MALRD1: variants seen among roughly 807,000 people sequenced by gnomAD.
MALRD1 encodes MAM and LDL-receptor class A domain-containing protein 1.
MALRD1 carries 247 observed loss-of-function variants against 242.1 expected under a neutral mutation model. That is an observed-to-expected ratio of 1.02 (90% CI 0.92 to 1.13). The LOEUF is 1.13. MALRD1 is among the 50% of genes most tolerant of loss of function. MALRD1 has a pLI of 0.00. For synonymous variants in MALRD1, 995 were observed against 866.6 expected, an observed-to-expected ratio of 1.15 and a Z score of -2.60; for missense variants, 2,989 against 2,533.1, an observed-to-expected ratio of 1.18 and a Z score of -3.86.
chr10:19,291,851 G>A (rs1414997288), intron 21 of MALRD1, among the ~76,000 whole-genome samples: 1 of 151,974 alleles, frequency 6.6e-6, no homozygotes, highest in Non-Finnish European at 1.5e-5. Context: ...TTGGGAGGCT[G>A]AGGCGGGTGG....
intron 21 of MALRD1, 113 bp from the exon 22 acceptor site, chr10:19,323,836 C>G: frequency 2.2e-6 from 2 of 901,040 alleles, no homozygotes; most frequent in Non-Finnish European, 3.4e-6. Flanking sequence ...GTCTCGAACT[C>G]CTGACTGCAG....
At chr10:19,413,965 CA>C (rs61376344) in intron 28 of MALRD1, among the ~76,000 whole-genome samples, 3,170 of 133,678 alleles carry the variant, frequency 0.024, 92 homozygotes, top group African/African-American at 0.084. Flanking sequence ...AAACAAAAAC[CA>C]AAAAAAAAAA....
At chr10:19,200,661 T>TTTTTTGTTTGTTTTTG (rs1554809472) in intron 14 of MALRD1, among the ~76,000 whole-genome samples, 3 of 146,932 alleles carry the variant, frequency 2.0e-5, no homozygotes, top group African/African-American at 7.6e-5. Flanking sequence ...TTTTTTTTTT[T>TTTTTTGTTTGTTTTTG]TTTTTTTTTT....
At chr10:19,353,472 G>T (rs1026553340) in intron 26 of MALRD1, among the ~76,000 whole-genome samples, 1 of 152,172 alleles carries the variant, frequency 6.6e-6, no homozygotes, top group Non-Finnish European at 1.5e-5. Context: ...GGGCAGTGTT[G>T]CCACTTCTGC....
intron 36 of MALRD1, among the ~76,000 whole-genome samples, chr10:19,691,035 A>G (rs1038913676): frequency 6.6e-6 from 1 of 152,100 alleles, no homozygotes; most frequent in Non-Finnish European, 1.5e-5. Flanking sequence ...CTCAGAGTGA[A>G]AATGTGTCCC....
At position 19,647,947 on chromosome 10, in the gene MALRD1, C is replaced by G. The variant is rs144213464; in HGVS notation, c.6137+32024C>G. Reference sequence around the variant, plus strand: ...GAGGTAAGTCCCATGATTTTGCAGACTCTCTGCCTGGGGATAATTTCCCAA... The same window carrying G: ...GAGGTAAGTCCCATGATTTTGCAGAGTCTCTGCCTGGGGATAATTTCCCAA... On this transcript the variant is annotated intron_variant, in intron 36 of 39. Coordinates refer to ENST00000454679, the MANE Select transcript of MALRD1 (RefSeq NM_001142308.3). 2.9e-3 allele frequency among the ~76,000 whole-genome samples: 449 copies of G among 152,236 alleles called. 7 individuals carry two copies. The highest frequency in any genetic ancestry group is 9.4e-3 in the African/African-American group (390 of 41,538).
chr10:19,558,329 G>T (rs1018503985), intron 32 of MALRD1, among the ~76,000 whole-genome samples: 1 of 152,056 alleles, frequency 6.6e-6, no homozygotes, highest in Non-Finnish European at 1.5e-5. Flanking sequence ...ATTTTAGTAG[G>T]AAAATGGCTA....
At chr10:19,098,052 C>G (rs1836109017) in intron 4 of MALRD1, among the ~76,000 whole-genome samples, 1 of 152,128 alleles carries the variant, frequency 6.6e-6, no homozygotes, top group Admixed American at 6.5e-5. Context: ...TATGGACATT[C>G]TCTCAATTCT....
intron 8 of MALRD1, among the ~76,000 whole-genome samples, chr10:19,129,988 A>G (rs1432687855): frequency 1.3e-5 from 2 of 151,408 alleles, no homozygotes; most frequent in African/African-American, 4.8e-5. Context: ...ACACATATAG[A>G]TATATAAAGT....
chr10:19,424,753 GT>G (rs201320731), intron 28 of MALRD1, among the ~76,000 whole-genome samples: 5 of 151,566 alleles, frequency 3.3e-5, no homozygotes, highest in African/African-American at 4.8e-5. Flanking sequence ...AATCACATTT[GT>G]TTTTTTTCTC....
intron 21 of MALRD1, among the ~76,000 whole-genome samples, chr10:19,289,646 A>G (rs1408710135): frequency 6.6e-6 from 1 of 152,154 alleles, no homozygotes; most frequent in Non-Finnish European, 1.5e-5. Flanking sequence ...CTTTTCTTAA[A>G]AAACAGTTCT....
chr10:19,257,294 A>G lies in MALRD1; in HGVS notation c.2992-390A>G, dbSNP rs185979765. 1.6e-3 allele frequency among the ~76,000 whole-genome samples: 237 copies of G among 152,264 alleles called. 1 individual carries two copies. Among genetic ancestry groups the G allele is most frequent in the East Asian group, 3.9e-4 (2 of 5,174 alleles). ...GGAGGATGAGGAGGTTTAATTTGGG[A>G]AACAGATGACCCAGGAGGATGAGGG... On this transcript the variant is annotated intron_variant, in intron 18 of 39. Coordinates refer to ENST00000454679, the MANE Select transcript of MALRD1 (RefSeq NM_001142308.3).
At chr10:19,533,120 G>T (rs946352759) in intron 32 of MALRD1, among the ~76,000 whole-genome samples, 5 of 152,152 alleles carry the variant, frequency 3.3e-5, no homozygotes, top group Non-Finnish European at 7.3e-5. Flanking sequence ...AGAAATTGTT[G>T]CTTCCTCAAT....
At chr10:19,406,150 G>C (rs1463699130) in intron 28 of MALRD1, among the ~76,000 whole-genome samples, 1 of 152,152 alleles carries the variant, frequency 6.6e-6, no homozygotes, top group Non-Finnish European at 1.5e-5. Context: ...TGCTATACCA[G>C]TGGAAGAGAG....
At position 19,506,543 on chromosome 10, in the gene MALRD1, AGT is replaced by A. The variant is rs907147219; in HGVS notation, c.5320+7899_5320+7900del. Reference sequence around the variant, plus strand: ...TCTATTGACACTTGTGTATCATACAAGTGCAACCATTTTTGTCATGATACTAA... The same window carrying A: ...TCTATTGACACTTGTGTATCATACAAGCAACCATTTTTGTCATGATACTAA... On this transcript the variant is annotated intron_variant, in intron 31 of 39. Coordinates refer to ENST00000454679, the MANE Select transcript of MALRD1 (RefSeq NM_001142308.3). Among the ~76,000 whole-genome samples the A allele has an allele frequency of 3.2e-4, 48 of 152,278 alleles. 1 individual carries two copies. The highest frequency in any genetic ancestry group is 1.1e-3 in the African/African-American group (46 of 41,556).
At chr10:19,683,333 C>A (rs1998914) in intron 36 of MALRD1, among the ~76,000 whole-genome samples, 17,036 of 152,252 alleles carry the variant, frequency 0.11, 1,624 homozygotes, top group African/African-American at 0.26. Flanking sequence ...GGAAAAGCCA[C>A]AACCAGAATT....
intron 24 of MALRD1, among the ~76,000 whole-genome samples, chr10:19,347,511 A>G (rs755902613): frequency 2.6e-5 from 4 of 152,094 alleles, no homozygotes; most frequent in Non-Finnish European, 4.4e-5. Flanking sequence ...TATTTAGAGA[A>G]GGAAATGTGT....
chr10:19,535,537 A>G (rs1173614411), intron 32 of MALRD1, among the ~76,000 whole-genome samples: 1 of 150,290 alleles, frequency 6.7e-6, no homozygotes, highest in Non-Finnish European at 1.5e-5. Flanking sequence ...ATGTATATAC[A>G]TATACATATA....
At chr10:19,302,519 A>G (rs1564543958) in intron 21 of MALRD1, among the ~76,000 whole-genome samples, 1 of 151,834 alleles carries the variant, frequency 6.6e-6, no homozygotes, top group Non-Finnish European at 1.5e-5. Context: ...ATACTAAGTG[A>G]AAGAAGCCAA....
Sources: gnomAD v4.1 joint callset for allele counts (sites outside exome capture counted in the v4.1 genomes callset) on GRCh38, gnomAD v4.1.1 for gene constraint, MANE v1.5 for transcripts, NCBI Gene and HGNC (gene_info 2026-07-23, HGNC 2026-07-21) for gene names.